DOP1B: variants seen among roughly 807,000 people sequenced by gnomAD.
DOP1B encodes the protein DOP1 leucine zipper like protein B, also known as protein DOP1B.
Under a neutral mutation model 233.5 loss-of-function variants are expected in DOP1B, and 174 were observed. The observed-to-expected ratio is 0.75, with a 90% CI of 0.66 to 0.85. The LOEUF (loss-of-function observed/expected upper bound fraction) is 0.85. Among genes scored for constraint, DOP1B ranks in the 40% least tolerant of loss-of-function variants. The pLI is 0.00. For missense variants in DOP1B, 2,652 were observed against 2,846.6 expected, an observed-to-expected ratio of 0.93 and a Z score of 1.56; for synonymous variants, 1,190 against 1,185.6, an observed-to-expected ratio of 1.00 and a Z score of -0.08.
At chr21:36,240,347 G>C (rs2066879181) in intron 18 of DOP1B, among the ~76,000 whole-genome samples, 1 of 152,122 alleles carries the variant, frequency 6.6e-6, no homozygotes. Flanking sequence ...GGGCGTGGTG[G>C]TACATGCCTG....
Position 36,263,778 on chromosome 21 carries a change from C to T in DOP1B, c.5451C>T (p.Pro1817=), listed in dbSNP as rs533466502. ...SMLNDFVTRT[P]NLENKKDQKD... ...TGAATGACTTTGTAACAAGAACTCC[C>T]AACCTGGAAAACAAGAAGGACCAAA... The change falls in exon 26 of 37, where the codon CCC becomes CCT. Residue 1817 remains proline (P), a synonymous_variant. Transcript: ENST00000691173. The T allele has an allele frequency of 1.2e-5, 20 of 1,614,216 alleles. No individual in the cohort carries two copies. In the African/African-American group the frequency reaches 1.9e-4, roughly 15 times the overall value.
chr21:36,248,301 C>A (rs1046411528), intron 20 of DOP1B, 79 bp from the exon 21 acceptor site: 6 of 1,499,442 alleles, frequency 4.0e-6, no homozygotes, highest in South Asian at 1.2e-5. Context: ...GACCTAATCC[C>A]GCTAGCACTG....
chr21:36,237,219 G>A (rs2066837636), intron 15 of DOP1B, 43 bp from the exon 16 acceptor site: 2 of 1,613,500 alleles, frequency 1.2e-6, no homozygotes, highest in Non-Finnish European at 8.5e-7. Flanking sequence ...GATGTTGCCT[G>A]TGTTGACCTG....
In DOP1B at chr21:36,212,490, G is replaced by C. The variant is rs551862996; in HGVS notation, c.904+393G>C. On this transcript the variant is annotated intron_variant, in intron 7 of 36. Coordinates refer to ENST00000691173, the MANE Select transcript of DOP1B (RefSeq NM_001320714.2). Reference sequence around the variant, plus strand: ...TGGAAGATATGTAGATAAAGGAGGAGGTTTTGTGTAAGTGTAAATGTTTTG... The same window carrying C: ...TGGAAGATATGTAGATAAAGGAGGACGTTTTGTGTAAGTGTAAATGTTTTG... Among the ~76,000 whole-genome samples, 78 of 152,272 alleles carry C rather than the reference G, an allele frequency of 5.1e-4. 1 individual carries two copies. Among genetic ancestry groups the C allele is most frequent in the African/African-American group, 1.9e-3 (77 of 41,552 alleles).
At chr21:36,287,576 A>ATTTT (rs1723618597) in intron 32 of DOP1B, among the ~76,000 whole-genome samples, 2 of 109,368 alleles carry the variant, frequency 1.8e-5, no homozygotes, top group African/African-American at 3.6e-5. Flanking sequence ...ATCTCCTAAC[A>ATTTT]TTCTTTTTTT....
chr21:36,192,832 C>T (rs569517869), intron 2 of DOP1B, among the ~76,000 whole-genome samples: 13 of 151,654 alleles, frequency 8.6e-5, no homozygotes, highest in Non-Finnish European at 1.3e-4. Flanking sequence ...GGACTACAGG[C>T]GCCCGCCACC....
At chr21:36,256,893 T>G (rs1314613841) in intron 23 of DOP1B, among the ~76,000 whole-genome samples, 1 of 152,118 alleles carries the variant, frequency 6.6e-6, no homozygotes. Context: ...GGACACCAGT[T>G]GGGTGTCCTC....
At position 36,238,450 on chromosome 21, in the gene DOP1B, ATCAG is replaced by A. The variant is rs1422846167; in HGVS notation, c.2776-147_2776-144del. On this transcript the variant is annotated intron_variant, in intron 16 of 36. Coordinates refer to ENST00000691173, the MANE Select transcript of DOP1B (RefSeq NM_001320714.2). Reference sequence around the variant, plus strand: ...AGGTTCTCCTTTTCCTTCTGGCCGAATCAGTCAAAGGAGAATGCAGCGTCTTTGC... The same window carrying A: ...AGGTTCTCCTTTTCCTTCTGGCCGAATCAAAGGAGAATGCAGCGTCTTTGC... 2.6e-5 allele frequency: 17 copies of A among 648,932 alleles called. No homozygotes were observed. In the South Asian group the frequency reaches 3.0e-4, roughly 11 times the overall value. The allele number at this position is 648,932 out of a possible 1,614,324, so 40.2% of individuals were successfully genotyped here.
intron 2 of DOP1B, among the ~76,000 whole-genome samples, chr21:36,193,817 C>T (rs1044880117): frequency 6.6e-6 from 1 of 152,180 alleles, no homozygotes; most frequent in African/African-American, 2.4e-5. Context: ...CTCCACTGGG[C>T]TACAGCTCTG....
At chr21:36,218,462 G>T (rs897535406) in intron 9 of DOP1B, among the ~76,000 whole-genome samples, 1 of 152,114 alleles carries the variant, frequency 6.6e-6, no homozygotes, top group Admixed American at 6.6e-5. Flanking sequence ...GGCGGAGGTT[G>T]CAGTGAGCTG....
At chr21:36,239,608 G>A (rs2066868713) in intron 17 of DOP1B, among the ~76,000 whole-genome samples, 157 bp from the exon 18 acceptor site, 1 of 152,202 alleles carries the variant, frequency 6.6e-6, no homozygotes, top group Non-Finnish European at 1.5e-5. Context: ...CCAAAGTTGA[G>A]TCCCCATTGT....
At chr21:36,181,711 G>A (rs150475594) in intron 2 of DOP1B, among the ~76,000 whole-genome samples, 4 of 152,286 alleles carry the variant, frequency 2.6e-5, no homozygotes, top group African/African-American at 4.8e-5. Context: ...CTGATGGCAC[G>A]TGTTATGTCC....
intron 4 of DOP1B, among the ~76,000 whole-genome samples, chr21:36,201,342 A>ATTTTTTTTT (rs1187890925): frequency 6.4e-5 from 3 of 46,980 alleles, no homozygotes; most frequent in African/African-American, 3.7e-4. Context: ...TATCTATTGG[A>ATTTTTTTTT]TTCTTTTTTT....
Position 36,247,522 on chromosome 21 carries a change from C to A in DOP1B, c.4703C>A (p.Thr1568Asn), listed in dbSNP as rs143979060. Residue 1568 changes from threonine (T) to asparagine (N), a missense_variant, in exon 20 of 37, where the codon ACC becomes AAC. Transcript: ENST00000691173. ...SESVKLSVST[T>N]SKRENISPDY... ...TTCTCTTTTCTTCACCACAGCACAA[C>A]CTCCAAGAGGGAAAACATTTCTCCA... The A allele has an allele frequency of 4.8e-5, 77 of 1,598,056 alleles. No individual in the cohort carries two copies. Among genetic ancestry groups the A allele is most frequent in the Admixed American group, 1.8e-5 (1 of 55,696 alleles).
At chr21:36,197,241 T>G (rs962437731) in intron 2 of DOP1B, among the ~76,000 whole-genome samples, 87 of 152,248 alleles carry the variant, frequency 5.7e-4, no homozygotes, top group African/African-American at 1.9e-3. Flanking sequence ...CATATCTGAT[T>G]TTTTTTAAAG....
intron 3 of DOP1B, among the ~76,000 whole-genome samples, chr21:36,200,012 A>G (rs1291660376): frequency 1.3e-5 from 2 of 152,212 alleles, no homozygotes; most frequent in South Asian, 2.1e-4. Flanking sequence ...GAATCGCCAC[A>G]CTGACTTCCA....
chr21:36,195,171 C>G (rs1432649184), intron 2 of DOP1B, among the ~76,000 whole-genome samples: 2 of 151,942 alleles, frequency 1.3e-5, no homozygotes, highest in Non-Finnish European at 2.9e-5. Flanking sequence ...CTCAACTTGT[C>G]TCTACTAAAA....
intron 28 of DOP1B, 98 bp downstream of exon 28, chr21:36,277,198 G>A: frequency 1.6e-6 from 2 of 1,229,108 alleles, no homozygotes; most frequent in South Asian, 1.3e-5. Flanking sequence ...GTGAGCGTGG[G>A]CCGCACCCTC....
At chr21:36,169,250 TCAGA>T (rs2065947095) in intron 2 of DOP1B, 1 of 890,098 alleles carries the variant, frequency 1.1e-6, no homozygotes, top group Non-Finnish European at 1.9e-6. Context: ...GATGCTCTTG[TCAGA>T]CAGGTCATAG....
Sources: gnomAD v4.1 joint callset for allele counts (sites outside exome capture counted in the v4.1 genomes callset) on GRCh38, gnomAD v4.1.1 for gene constraint, MANE v1.5 for transcripts, NCBI Gene and HGNC (gene_info 2026-07-23, HGNC 2026-07-21) for gene names.